The following LEPR variants were observed in gnomAD, a reference collection of about 807,000 sequenced individuals.
The protein encoded by LEPR is OB receptor.
Under a neutral mutation model 114.7 loss-of-function variants are expected in LEPR, and 56 were observed. The ratio of observed to expected loss-of-function variants is 0.49; its 90% CI spans 0.39 to 0.61. The LOEUF (loss-of-function observed/expected upper bound fraction) is 0.61. Among genes scored for constraint, LEPR ranks in the 20% least tolerant of loss-of-function variants. The pLI, the probability that LEPR is intolerant of heterozygous loss-of-function variation, is 0.00. For missense variants in LEPR, 1,202 were observed against 1,352.9 expected (o/e 0.89, Z 1.75); for synonymous variants, 443 against 461.4 (o/e 0.96, Z 0.51).
At chr1:65,580,687 C>G (rs1335564187) in intron 5 of LEPR, among the ~76,000 whole-genome samples, 1 of 152,176 alleles carries the variant, frequency 6.6e-6, no homozygotes, top group Non-Finnish European at 1.5e-5. Context: ...AGACTCAGCC[C>G]TTGCCCTCCT....
intron 2 of LEPR, among the ~76,000 whole-genome samples, chr1:65,459,601 T>C (rs907842463): frequency 5.8e-4 from 88 of 152,160 alleles, no homozygotes; most frequent in African/African-American, 2.1e-3. Flanking sequence ...ATTGTCCAAC[T>C]AACAAAGGGA....
chr1:65,537,638 T>C (rs1303324314), intron 2 of LEPR, among the ~76,000 whole-genome samples: 1 of 152,186 alleles, frequency 6.6e-6, no homozygotes, highest in Non-Finnish European at 1.5e-5. Context: ...ACAGTTTCTC[T>C]TGAACCCCTG....
At chr1:65,632,887 C>G (rs185104230) in intron 19 of LEPR, among the ~76,000 whole-genome samples, 19 of 151,782 alleles carry the variant, frequency 1.3e-4, no homozygotes, top group Admixed American at 1.2e-3. Context: ...TTTACCTATT[C>G]TGTTATTTCC....
chr1:65,477,353 C>G (rs964449852), intron 2 of LEPR, among the ~76,000 whole-genome samples: 2 of 152,218 alleles, frequency 1.3e-5, no homozygotes, highest in Non-Finnish European at 2.9e-5. Flanking sequence ...ACTTTGCTCA[C>G]TTCAGTATCT....
intron 5 of LEPR, among the ~76,000 whole-genome samples, chr1:65,575,353 T>C (rs1468982477): frequency 6.8e-6 from 1 of 147,698 alleles, no homozygotes; most frequent in Admixed American, 6.6e-5. Context: ...CATTGGCTCA[T>C]TGGCTACTTA....
In LEPR at chr1:65,593,137, T is replaced by G. The variant is rs1170507410; in HGVS notation, c.703+272T>G. ...GGATGTATATTGATTGGATATCACTTTTTCACATCTCAGATAACTATTTTT... is the reference window on the plus strand; with the variant it reads ...GGATGTATATTGATTGGATATCACTGTTTCACATCTCAGATAACTATTTTT... On this transcript the variant is annotated intron_variant, in intron 6 of 19. Coordinates refer to ENST00000349533, the MANE Select transcript of LEPR (RefSeq NM_002303.6). Among the ~76,000 whole-genome samples the G allele has an allele frequency of 2.0e-5, 3 of 151,746 alleles. No homozygotes were observed. The East Asian group carries it at 5.8e-4, about 30-fold the overall frequency.
At chr1:65,507,999 T>C (rs1374593571) in intron 2 of LEPR, among the ~76,000 whole-genome samples, 1 of 152,212 alleles carries the variant, frequency 6.6e-6, no homozygotes, top group Non-Finnish European at 1.5e-5. Flanking sequence ...TCCTGAGAAA[T>C]GTCTATGGAA....
chr1:65,422,970 C>A (rs1449264652), intron 1 of LEPR, among the ~76,000 whole-genome samples: 1 of 152,174 alleles, frequency 6.6e-6, no homozygotes, highest in African/African-American at 2.4e-5. Context: ...GGGCCTGCAC[C>A]AGGGCTGTAG....
intron 10 of LEPR, among the ~76,000 whole-genome samples, chr1:65,602,950 C>G (rs960414889): frequency 1.3e-5 from 2 of 152,094 alleles, no homozygotes; most frequent in Non-Finnish European, 2.9e-5. Context: ...ACATTCTTTT[C>G]ATGGCATTTT....
At position 65,638,224 on chromosome 1, in the gene LEPR, T is replaced by C. The variant is rs1247253477; in HGVS notation, c.*1209T>C. ...AATTAGCTGAGTGTGACAGAAAAAA[T>C]AAAGATTATAAAATGTATTAAGTAG... On this transcript the variant is annotated 3_prime_UTR_variant, in exon 20 of 20. Transcript: ENST00000349533. 2 of 151,986 alleles carry C rather than the reference T, an allele frequency of 1.3e-5. No homozygotes were observed. The highest frequency in any genetic ancestry group is 2.9e-5 in the Non-Finnish European group (2 of 67,982). The allele number at this position is 151,986 out of a possible 1,614,324, so 9.4% of individuals were successfully genotyped here.
At chr1:65,421,440 G>T (rs990285440) in intron 1 of LEPR, 2 of 1,536,060 alleles carry the variant, frequency 1.3e-6, no homozygotes, top group Admixed American at 2.0e-5. Flanking sequence ...AAGGTTTTTT[G>T]CAAGGCTTCC....
chr1:65,566,403 G>C (rs1347707830), intron 3 of LEPR, among the ~76,000 whole-genome samples: 1 of 151,952 alleles, frequency 6.6e-6, no homozygotes, highest in African/African-American at 2.4e-5. Flanking sequence ...GGGTTTCACT[G>C]CGTTGGCCAG....
chr1:65,616,209 T>A lies in LEPR; in HGVS notation c.2197T>A (p.Trp733Arg). 1 of 1,613,994 alleles carries A rather than the reference T, an allele frequency of 6.2e-7. No individual in the cohort carries two copies. Among genetic ancestry groups the A allele is most frequent in the Non-Finnish European group, 8.5e-7 (1 of 1,179,906 alleles). The part of the protein sequence containing the change: ...SVANFNLTFS[W>R]PMSKVNIVQS... ...TGCAAATTTTAATTTAACCTTTTCA[T>A]GGCCTATGAGCAAAGGTAAGAAGAG... Residue 733 changes from tryptophan (W) to arginine (R), a missense_variant, in exon 15 of 20, where the codon TGG becomes AGG. Transcript: ENST00000349533.
At chr1:65,532,091 T>G (rs1384248207) in intron 2 of LEPR, among the ~76,000 whole-genome samples, 1 of 152,246 alleles carries the variant, frequency 6.6e-6, no homozygotes, top group Non-Finnish European at 1.5e-5. Context: ...TAATAGTTAC[T>G]ACTTTAATTA....
intron 2 of LEPR, among the ~76,000 whole-genome samples, chr1:65,471,103 G>A (rs1345621258): frequency 6.6e-6 from 1 of 152,216 alleles, no homozygotes; most frequent in African/African-American, 2.4e-5. Flanking sequence ...AGTTACTTAT[G>A]TGATAATCAA....
intron 2 of LEPR, among the ~76,000 whole-genome samples, chr1:65,550,966 C>T (rs1375541655): frequency 1.3e-5 from 2 of 151,748 alleles, no homozygotes; most frequent in Non-Finnish European, 2.9e-5. Context: ...CTTGGCTCCT[C>T]CCCCCATCAT....
intron 2 of LEPR, among the ~76,000 whole-genome samples, chr1:65,452,420 A>G (rs1211321733): frequency 6.6e-6 from 1 of 151,190 alleles, no homozygotes; most frequent in Admixed American, 6.6e-5. Context: ...TGGGTTTGTC[A>G]TAGATAGCTC....
intron 2 of LEPR, among the ~76,000 whole-genome samples, chr1:65,475,679 G>A (rs1260829625): frequency 1.3e-5 from 2 of 152,056 alleles, no homozygotes; most frequent in Non-Finnish European, 2.9e-5. Context: ...GATCAATTTT[G>A]TTCTATATGC....
intron 19 of LEPR, chr1:65,626,228 C>T: frequency 4.6e-6 from 7 of 1,533,808 alleles, no homozygotes; most frequent in African/African-American, 1.4e-5. Context: ...CTGAGGTGTG[C>T]ACAATGCTGC....
Sources: gnomAD v4.1 joint callset for allele counts (sites outside exome capture counted in the v4.1 genomes callset) on GRCh38, gnomAD v4.1.1 for gene constraint, MANE v1.5 for transcripts, NCBI Gene and HGNC (gene_info 2026-07-23, HGNC 2026-07-21) for gene names.